The following ATF2 variants were observed in gnomAD, a reference collection of about 807,000 sequenced individuals.
ATF2 encodes activating transcription factor 2.
ATF2 carries 24 observed loss-of-function variants against 60.6 expected under a neutral mutation model. The ratio of observed to expected loss-of-function variants is 0.40; its 90% CI spans 0.29 to 0.56. The LOEUF (loss-of-function observed/expected upper bound fraction) is 0.56. Ranked by LOEUF, ATF2 falls within the 20% of genes least tolerant of loss-of-function variation. The pLI is 0.54. For synonymous variants in ATF2, 206 were observed against 215.4 expected (o/e 0.96, Z 0.38); for missense variants, 433 against 607.7 (o/e 0.71, Z 3.02).
chr2:175,158,447 C>T (rs1574506687), intron 1 of ATF2, among the ~76,000 whole-genome samples: 1 of 151,778 alleles, frequency 6.6e-6, no homozygotes, highest in Non-Finnish European at 1.5e-5. Context: ...GTCTTGAATT[C>T]CTTGAGCTCA....
intron 13 of ATF2, among the ~76,000 whole-genome samples, chr2:175,075,811 GT>G (rs1346685628): frequency 3.3e-5 from 5 of 152,106 alleles, no homozygotes; most frequent in Non-Finnish European, 7.4e-5. Context: ...TTTCTCTGCA[GT>G]TTTACCACAT....
chr2:175,077,468 T>C (rs1019846783), intron 13 of ATF2, among the ~76,000 whole-genome samples: 4 of 152,194 alleles, frequency 2.6e-5, no homozygotes, highest in African/African-American at 9.6e-5. Flanking sequence ...TGTTGTTTCC[T>C]GACTTTTTAA....
At position 175,111,724 on chromosome 2, in the gene ATF2, T is replaced by C. The variant is rs1696203852; in HGVS notation, c.742-70A>G. 5.4e-6 allele frequency: 7 copies of C among 1,289,182 alleles called. No homozygotes were observed. Among genetic ancestry groups the C allele is most frequent in the African/African-American group, 1.5e-5 (1 of 67,506 alleles). 79.9% of individuals were successfully genotyped at this position (1,289,182 alleles called of 1,614,324 possible). A position where few individuals can be genotyped will look rare whatever the true frequency, so the allele number is the denominator to read the frequency against. ...AAATGAGATTTGTACTTTACTGCTG[T>C]TGTAATAATTTGAGACTTTAAGAAT... is the stretch of plus-strand genomic sequence containing the variant. On this transcript the variant is annotated intron_variant, in intron 9 of 13. Transcript: ENST00000264110.
At chr2:175,136,642 A>G (rs1349079326) in intron 2 of ATF2, among the ~76,000 whole-genome samples, 156 bp from the exon 3 acceptor site, 1 of 152,192 alleles carries the variant, frequency 6.6e-6, no homozygotes, top group African/African-American at 2.4e-5. Flanking sequence ...TGCTCTTGAA[A>G]TATCAACACA....
intron 4 of ATF2, among the ~76,000 whole-genome samples, chr2:175,123,727 T>C (rs1697127135): frequency 6.6e-6 from 1 of 152,012 alleles, no homozygotes; most frequent in African/African-American, 2.4e-5. Context: ...TAAACTCTCA[T>C]ATAAGATCCA....
At chr2:175,145,624 C>T (rs1485688930) in intron 2 of ATF2, among the ~76,000 whole-genome samples, 2 of 152,160 alleles carry the variant, frequency 1.3e-5, no homozygotes, top group African/African-American at 4.8e-5. Flanking sequence ...TGCGTAAATA[C>T]CATTCTCCAC....
At chr2:175,121,840 C>T (rs1696975910) in intron 4 of ATF2, among the ~76,000 whole-genome samples, 1 of 151,654 alleles carries the variant, frequency 6.6e-6, no homozygotes, top group Non-Finnish European at 1.5e-5. Context: ...CTTATGGATA[C>T]TAAAAATAGA....
intron 12 of ATF2, among the ~76,000 whole-genome samples, chr2:175,086,820 C>G (rs1459803089): frequency 6.6e-6 from 1 of 152,134 alleles, no homozygotes; most frequent in Non-Finnish European, 1.5e-5. Context: ...TGATTTATTA[C>G]TATTCAGATA....
At chr2:175,133,092 A>C (rs1021407929) in intron 3 of ATF2, among the ~76,000 whole-genome samples, 2 of 151,844 alleles carry the variant, frequency 1.3e-5, no homozygotes, top group African/African-American at 4.8e-5. Context: ...CTGTCTCAAA[A>C]AAAAAAAAAA....
intron 1 of ATF2, among the ~76,000 whole-genome samples, chr2:175,157,498 T>TG (rs1165300441): frequency 2.0e-5 from 3 of 152,164 alleles, no homozygotes; most frequent in Non-Finnish European, 4.4e-5. Context: ...TGCTGTGGTG[T>TG]GGTCAGGCCA....
At chr2:175,162,905 G>A (rs1348280763) in intron 1 of ATF2, among the ~76,000 whole-genome samples, 2 of 151,902 alleles carry the variant, frequency 1.3e-5, no homozygotes, top group East Asian at 1.9e-4. Context: ...AGGCCGAGGT[G>A]GGCGGATCAC....
chr2:175,145,335 C>T (rs1314146858), intron 2 of ATF2, among the ~76,000 whole-genome samples: 1 of 152,134 alleles, frequency 6.6e-6, no homozygotes, highest in African/African-American at 2.4e-5. Flanking sequence ...TCAGTGCTGT[C>T]CTCTCAACAG....
chr2:175,155,966 T>TTTCC (rs1699650808), intron 1 of ATF2, among the ~76,000 whole-genome samples: 3 of 152,202 alleles, frequency 2.0e-5, no homozygotes, highest in Non-Finnish European at 2.9e-5. Flanking sequence ...TTCAGGAGTA[T>TTTCC]ATGAGTGTAT....
At chr2:175,156,949 C>T (rs563698165) in intron 1 of ATF2, among the ~76,000 whole-genome samples, 13 of 152,280 alleles carry the variant, frequency 8.5e-5, no homozygotes, top group Non-Finnish European at 1.8e-4. Context: ...CCCACGACTT[C>T]AACAGCAGCA....
intron 7 of ATF2, among the ~76,000 whole-genome samples, chr2:175,117,560 A>G (rs569596464): frequency 6.6e-6 from 1 of 152,114 alleles, no homozygotes; most frequent in African/African-American, 2.4e-5. Flanking sequence ...TAGTATCATC[A>G]TCGTCCTAAT....
At chr2:175,090,581 T>G (rs1694479648) in intron 12 of ATF2, among the ~76,000 whole-genome samples, 1 of 152,150 alleles carries the variant, frequency 6.6e-6, no homozygotes, top group African/African-American at 2.4e-5. Flanking sequence ...AATGCATTTC[T>G]AAATCTAAGA....
At chr2:175,142,714 A>AGTGTGT (rs879552350) in intron 2 of ATF2, among the ~76,000 whole-genome samples, 91 of 124,768 alleles carry the variant, frequency 7.3e-4, no homozygotes, top group Admixed American at 1.9e-3. Context: ...AGAGAGAGAG[A>AGTGTGT]GAGAGAGTGT....
At chr2:175,167,635 T>G (rs748268952) in intron 1 of ATF2, 2 of 495,564 alleles carry the variant, frequency 4.0e-6, no homozygotes, top group East Asian at 1.3e-4. Flanking sequence ...ACCCAAGGAC[T>G]GTGGGTGGGA....
intron 12 of ATF2, among the ~76,000 whole-genome samples, chr2:175,083,051 T>G (rs907914852): frequency 6.6e-6 from 1 of 151,804 alleles, no homozygotes. Context: ...GAATCAATAT[T>G]GTGAAAATGG....
Sources: allele counts gnomAD v4.1 joint callset (sites outside exome capture counted in the v4.1 genomes callset), GRCh38; gene constraint gnomAD v4.1.1; transcripts MANE v1.5; gene names NCBI Gene and HGNC (gene_info 2026-07-23, HGNC 2026-07-21).